The following NEBL variants were observed in gnomAD, a reference collection of about 807,000 sequenced individuals.
The protein encoded by NEBL is LIM and SH3 protein 2.
A neutral mutation model predicts 140.2 loss-of-function variants in NEBL; 122 were observed. The ratio of observed to expected loss-of-function variants is 0.87; its 90% CI spans 0.75 to 1.01. The LOEUF (loss-of-function observed/expected upper bound fraction) is 1.01. NEBL is among the 50% of genes least tolerant of loss of function. The probability of loss-of-function intolerance (pLI) is 0.00; values close to 1 mark genes in which losing one functional copy is unlikely to be tolerated. For synonymous variants in NEBL, 436 were observed against 398.9 expected (o/e 1.09, Z -1.11); for missense variants, 1,365 against 1,231.3 (o/e 1.11, Z -1.62).
At chr10:20,868,917 G>A in intron 6 of NEBL, 152 bp from the exon 7 acceptor site, 1 of 654,212 alleles carries the variant, frequency 1.5e-6, no homozygotes, top group Non-Finnish European at 2.7e-6. Context: ...TGCTAAAGCA[G>A]AAATTGATTT....
intron 4 of NEBL, among the ~76,000 whole-genome samples, chr10:20,937,453 AG>A (rs534682277): frequency 5.3e-5 from 8 of 152,250 alleles, no homozygotes; most frequent in African/African-American, 1.9e-4. Context: ...TGAAAGAGCC[AG>A]GGGGTGGAGA....
intron 2 of NEBL, among the ~76,000 whole-genome samples, chr10:21,022,388 A>G (rs936050971): frequency 1.3e-5 from 2 of 152,322 alleles, no homozygotes; most frequent in Non-Finnish European, 2.9e-5. Flanking sequence ...GTCGGTGCAG[A>G]TAAAGCCTAC....
At chr10:21,106,868 G>A (rs908042344) in intron 2 of NEBL, among the ~76,000 whole-genome samples, 2 of 152,142 alleles carry the variant, frequency 1.3e-5, no homozygotes, top group African/African-American at 2.4e-5. Context: ...TTGTTTAGCA[G>A]TGGTTTTTAG....
At chr10:21,053,021 C>T (rs1016434591) in intron 2 of NEBL, among the ~76,000 whole-genome samples, 4 of 152,172 alleles carry the variant, frequency 2.6e-5, no homozygotes, top group African/African-American at 9.7e-5. Flanking sequence ...GTTCCCAACA[C>T]ATAGAAACGA....
chr10:21,161,057 A>G (rs886256057), intron 2 of NEBL, among the ~76,000 whole-genome samples: 1 of 152,180 alleles, frequency 6.6e-6, no homozygotes, highest in Admixed American at 6.5e-5. Flanking sequence ...GCAAATTTCA[A>G]TATTTCACCT....
chr10:20,961,538 G>A, intron 4 of NEBL: 1 of 755,476 alleles, frequency 1.3e-6, no homozygotes, highest in Non-Finnish European at 2.4e-6. Context: ...AGATGAAATT[G>A]GCATAGTCTA....
At chr10:21,147,888 A>G (rs928296540) in intron 2 of NEBL, among the ~76,000 whole-genome samples, 3 of 152,200 alleles carry the variant, frequency 2.0e-5, no homozygotes, top group African/African-American at 7.2e-5. Context: ...AGGTTCCTTC[A>G]TGAAACAAAT....
At chr10:21,214,557 GCACACATTA>G (rs1268692918) in intron 3 of NEBL, among the ~76,000 whole-genome samples, 1 of 148,982 alleles carries the variant, frequency 6.7e-6, no homozygotes, top group Non-Finnish European at 1.5e-5. Context: ...ACACACATGT[GCACACATTA>G]CACACACGCA....
At chr10:20,814,323 C>G (rs71578959) in intron 22 of NEBL, among the ~76,000 whole-genome samples, 1 of 151,752 alleles carries the variant, frequency 6.6e-6, no homozygotes, top group Non-Finnish European at 1.5e-5. Flanking sequence ...TGCGCAAGCC[C>G]GAGGACTCGT....
At chr10:21,181,202 G>T (rs938795055) in intron 3 of NEBL, among the ~76,000 whole-genome samples, 1 of 151,714 alleles carries the variant, frequency 6.6e-6, no homozygotes, top group Non-Finnish European at 1.5e-5. Flanking sequence ...GGGAGAGGTT[G>T]CTGTAAGCCA....
chr10:21,125,700 T>G (rs1039787742), intron 2 of NEBL: 3 of 693,802 alleles, frequency 4.3e-6, no homozygotes, highest in Non-Finnish European at 7.6e-6. Context: ...CCTTCCTCCC[T>G]GCACCCTACA....
rs903474180 is a variant in NEBL, at chr10:21,216,410, C to T, written n.348+31511G>A. ...GTATCTCATGCCTGTAATCCCAGCA[C>T]TTTGGGAGGCCCAGGCGGGAAGATC... On this transcript the variant is annotated intron_variant and non_coding_transcript_variant, in intron 3 of 8. Coordinates refer to the NEBL transcript ENST00000675702. 3.3e-5 allele frequency among the ~76,000 whole-genome samples: 5 copies of T among 152,140 alleles called. No homozygotes were observed. In the East Asian group the frequency reaches 7.8e-4, roughly 24 times the overall value.
chr10:21,003,050 C>G (rs1035773256), intron 3 of NEBL, among the ~76,000 whole-genome samples: 1 of 128,458 alleles, frequency 7.8e-6, no homozygotes, highest in Non-Finnish European at 1.6e-5. Context: ...ATCCCATTTT[C>G]TCCAAAAGGA....
At chr10:21,057,479 A>G (rs946773163) in intron 2 of NEBL, among the ~76,000 whole-genome samples, 2 of 149,562 alleles carry the variant, frequency 1.3e-5, no homozygotes, top group Admixed American at 6.7e-5. Flanking sequence ...GTTACTACAA[A>G]CTAGTTTTCA....
At chr10:20,922,439 C>T (rs1266082742) in intron 4 of NEBL, among the ~76,000 whole-genome samples, 2 of 152,114 alleles carry the variant, frequency 1.3e-5, no homozygotes, top group Non-Finnish European at 2.9e-5. Flanking sequence ...ACTTTACATC[C>T]CTCCCTCCTA....
At chr10:20,934,627 A>G (rs1479465077) in intron 4 of NEBL, among the ~76,000 whole-genome samples, 1 of 152,102 alleles carries the variant, frequency 6.6e-6, no homozygotes, top group Admixed American at 6.5e-5. Flanking sequence ...GCCCCACTGG[A>G]TACGAGAGGT....
intron 3 of NEBL, among the ~76,000 whole-genome samples, chr10:21,242,495 C>T (rs552563036): frequency 6.6e-6 from 1 of 152,276 alleles, no homozygotes; most frequent in East Asian, 1.9e-4. Context: ...TGAAAAACTA[C>T]CTATCAGGTA....
intron 2 of NEBL, chr10:21,113,304 A>AAAAAAAAAAAAAAAAAC: frequency 1.2e-5 from 4 of 337,036 alleles, no homozygotes; most frequent in South Asian, 8.2e-5. Flanking sequence ...AAAAAAAAAA[A>AAAAAAAAAAAAAAAAAC]AACCAGGAAA....
intron 2 of NEBL, among the ~76,000 whole-genome samples, chr10:21,164,406 A>C (rs1840677919): frequency 6.6e-6 from 1 of 152,166 alleles, no homozygotes; most frequent in Non-Finnish European, 1.5e-5. Flanking sequence ...TCGTCTGAAA[A>C]CATTTAAAGA....
Sources: allele counts gnomAD v4.1 joint callset (sites outside exome capture counted in the v4.1 genomes callset), GRCh38; gene constraint gnomAD v4.1.1; transcripts MANE v1.5; gene names NCBI Gene and HGNC (gene_info 2026-07-23, HGNC 2026-07-21).